The following INTS4 variants were observed in gnomAD, a reference collection of about 807,000 sequenced individuals.
The protein encoded by INTS4 is integrator complex subunit 4.
Under a neutral mutation model 119.5 loss-of-function variants are expected in INTS4, and 70 were observed. The observed-to-expected ratio is 0.59, with a 90% CI of 0.48 to 0.71. The LOEUF is 0.71. Ranked by LOEUF, INTS4 falls within the 30% of genes least tolerant of loss-of-function variation. The pLI is 0.00. For missense variants in INTS4, 867 were observed against 1,173.2 expected (o/e 0.74, Z 3.81); for synonymous variants, 316 against 419.6 (o/e 0.75, Z 3.02).
chr11:77,963,742 G>A (rs1855356506), intron 4 of INTS4, among the ~76,000 whole-genome samples: 1 of 152,010 alleles, frequency 6.6e-6, no homozygotes, highest in South Asian at 2.1e-4. Flanking sequence ...GGAGTGCAGT[G>A]TTGCAATCAG....
chr11:77,930,580 T>C (rs2136500800), intron 10 of INTS4, among the ~76,000 whole-genome samples: 1 of 152,346 alleles, frequency 6.6e-6, no homozygotes, highest in South Asian at 2.1e-4. Flanking sequence ...CATTGTGACC[T>C]CAGCTGATAC....
At chr11:77,893,924 T>TAAATAAATA (rs1565227931) in intron 19 of INTS4, among the ~76,000 whole-genome samples, 5 of 150,714 alleles carry the variant, frequency 3.3e-5, no homozygotes, top group Non-Finnish European at 3.0e-5. Flanking sequence ...AATAAATAAA[T>TAAATAAATA]AAGAATGGTG....
At chr11:77,961,804 A>T (rs1954483672) in intron 4 of INTS4, among the ~76,000 whole-genome samples, 1 of 152,238 alleles carries the variant, frequency 6.6e-6, no homozygotes, top group African/African-American at 2.4e-5. Flanking sequence ...TGGTTCATTT[A>T]TTCTTGTTAC....
chr11:77,900,745 A>G (rs1591032694), intron 18 of INTS4: 1 of 626,692 alleles, frequency 1.6e-6, no homozygotes, highest in Non-Finnish European at 2.8e-6. Flanking sequence ...AGAAGTTACA[A>G]TAATAAAAAA....
rs137897551 is a variant in INTS4 at position 77,960,359 on chromosome 11, G to C, written c.690C>G (p.His230Gln). The change falls in exon 6 of 23, where the codon CAC becomes CAG. Residue 230 changes from histidine (H) to glutamine (Q), a missense_variant. Coordinates refer to ENST00000534064, the MANE Select transcript of INTS4 (RefSeq NM_033547.4). Reference sequence around the variant, plus strand: ...AAGGTACCTGATTATAAATTGTTTGGTGTAATTTCAGTCCTCTTTCATGGA... The same window carrying C: ...AAGGTACCTGATTATAAATTGTTTGCTGTAATTTCAGTCCTCTTTCATGGA... ...LQLHERGLKL[H>Q]QTIYNQACKL... 3 of 1,602,490 alleles carry C rather than the reference G, an allele frequency of 1.9e-6. No homozygotes were observed. The highest frequency in any genetic ancestry group is 2.6e-6 in the Non-Finnish European group (3 of 1,171,116).
At chr11:77,913,257 A>G (rs547547259) in intron 15 of INTS4, among the ~76,000 whole-genome samples, 5 of 152,194 alleles carry the variant, frequency 3.3e-5, no homozygotes, top group African/African-American at 9.6e-5. Context: ...TGATTTAGTT[A>G]CAAAATGTCA....
At chr11:77,881,039 T>G (rs1367857489) in intron 22 of INTS4, among the ~76,000 whole-genome samples, 2 of 152,012 alleles carry the variant, frequency 1.3e-5, no homozygotes, top group Admixed American at 6.6e-5. Context: ...CTTACCAACA[T>G]TTGATAAGAA....
chr11:77,914,587 A>AT (rs1953164036), intron 15 of INTS4, among the ~76,000 whole-genome samples: 1 of 152,088 alleles, frequency 6.6e-6, no homozygotes, highest in Non-Finnish European at 1.5e-5. Context: ...GGGTCAGCAA[A>AT]TTTTTTCTGT....
intron 8 of INTS4, among the ~76,000 whole-genome samples, chr11:77,947,125 A>C (rs1451053622): frequency 6.6e-6 from 1 of 151,364 alleles, no homozygotes; most frequent in African/African-American, 2.4e-5. Flanking sequence ...AAAAAAAACA[A>C]GTAAGAATAA....
rs573174012 is a variant in INTS4, at chr11:77,955,987, G to A, written c.873C>T (p.Val291=). Residue 291 remains valine (V), a synonymous_variant, in exon 8 of 23, where the codon GTC becomes GTT. Transcript: ENST00000534064. ...DDAFGKICHM[V]SDGSWVVRVQ... ...CACGAACCACCCAAGAGCCATCACTGACCATGTGACAAATTTTGCCAAACG... is the reference window on the plus strand; with the variant it reads ...CACGAACCACCCAAGAGCCATCACTAACCATGTGACAAATTTTGCCAAACG... 4.3e-6 allele frequency: 7 copies of A among 1,611,506 alleles called. No homozygotes were observed. Among genetic ancestry groups the A allele is most frequent in the South Asian group, 2.2e-5 (2 of 90,850 alleles).
chr11:77,920,781 G>A (rs1272902707), intron 14 of INTS4, among the ~76,000 whole-genome samples: 1 of 152,006 alleles, frequency 6.6e-6, no homozygotes, highest in Non-Finnish European at 1.5e-5. Context: ...GAACCTGGGA[G>A]GTGGAGCTTG....
At chr11:77,985,691 G>C (rs1432356070) in intron 2 of INTS4, among the ~76,000 whole-genome samples, 2 of 152,116 alleles carry the variant, frequency 1.3e-5, no homozygotes, top group Non-Finnish European at 2.9e-5. Flanking sequence ...ACAAAGCCTG[G>C]CACAGAGTAA....
At chr11:77,952,772 T>A (rs1394561738) in intron 8 of INTS4, among the ~76,000 whole-genome samples, 2 of 152,178 alleles carry the variant, frequency 1.3e-5, no homozygotes, top group Admixed American at 1.3e-4. Context: ...AAATTTCAGA[T>A]CCTATAGAGT....
chr11:77,948,518 C>T (rs1460349682), intron 8 of INTS4, among the ~76,000 whole-genome samples: 1 of 151,806 alleles, frequency 6.6e-6, no homozygotes, highest in Non-Finnish European at 1.5e-5. Flanking sequence ...CATGGTGGCA[C>T]ATGCCTGTAA....
At position 77,906,163 on chromosome 11, in the gene INTS4, C is replaced by G. The variant is rs186630452; in HGVS notation, c.2016+1554G>C. ...TTAAACAGTTTAGGACTATGATGTT[C>G]TGGACTATCTTTTGGGATTATGATT... On this transcript the variant is annotated intron_variant, in intron 16 of 22. Transcript: ENST00000534064. 4.2e-3 allele frequency among the ~76,000 whole-genome samples: 635 copies of G among 152,130 alleles called. 3 individuals carry two copies. Among genetic ancestry groups the G allele is most frequent in the African/African-American group, 0.015 (607 of 41,500 alleles).
chr11:77,979,002 G>T lies in INTS4; in HGVS notation c.465C>A (p.Ala155=). Residue 155 remains alanine (A), a synonymous_variant, in exon 4 of 23, where the codon GCC becomes GCA. Transcript: ENST00000534064. The part of the protein sequence containing the change: ...QAIQMRLVDV[A]CKHLTDTSHG... ...ATAGATTTTATACTCTTACCTTGCA[G>T]GCCACATCAACTAATCGCATTTGGA... 1 of 1,598,576 alleles carries T rather than the reference G, an allele frequency of 6.3e-7. No homozygotes were observed. The highest frequency in any genetic ancestry group is 8.6e-7 in the Non-Finnish European group (1 of 1,166,220).
chr11:77,877,531 G>A (rs1023829600), downstream of INTS4, among the ~76,000 whole-genome samples: 7 of 152,200 alleles, frequency 4.6e-5, no homozygotes, highest in South Asian at 6.2e-4. Flanking sequence ...AGAGAGAGCT[G>A]AAGATTTGAA....
intron 21 of INTS4, among the ~76,000 whole-genome samples, chr11:77,886,522 G>A (rs1025430905): frequency 1.3e-5 from 2 of 152,186 alleles, no homozygotes; most frequent in African/African-American, 4.8e-5. Context: ...ACGGGTAAAC[G>A]GCGGGAGTAA....
intron 4 of INTS4, among the ~76,000 whole-genome samples, chr11:77,972,570 T>C (rs540713679): frequency 6.6e-6 from 1 of 151,030 alleles, no homozygotes; most frequent in Admixed American, 6.6e-5. Context: ...GTGTGTGCCA[T>C]CACACCTGGC....
Sources: allele counts gnomAD v4.1 joint callset (sites outside exome capture counted in the v4.1 genomes callset), GRCh38; gene constraint gnomAD v4.1.1; transcripts MANE v1.5; gene names NCBI Gene and HGNC (gene_info 2026-07-23, HGNC 2026-07-21).